Variants in NAP1L4 observed in about 807,000 individuals in gnomAD.
The protein encoded by NAP1L4 is nucleosome assembly protein 1-like 4.
Under a neutral mutation model 58.2 loss-of-function variants are expected in NAP1L4, and 15 were observed. That is an observed-to-expected ratio of 0.26 (90% confidence interval 0.17 to 0.40). The LOEUF (loss-of-function observed/expected upper bound fraction) is 0.40. Ranked by LOEUF, NAP1L4 falls within the 10% of genes least tolerant of loss-of-function variation. The pLI is 1.00. For synonymous variants in NAP1L4, 171 were observed against 155.6 expected (o/e 1.10, Z -0.74); for missense variants, 384 against 451.1 (o/e 0.85, Z 1.35).
At chr11:2,956,920 C>A (rs1341640211) in intron 10 of NAP1L4, among the ~76,000 whole-genome samples, 1 of 152,190 alleles carries the variant, frequency 6.6e-6, no homozygotes, top group Non-Finnish European at 1.5e-5. Flanking sequence ...AAAGCACTTA[C>A]CATTTGGTAT....
Position 2,954,730 on chromosome 11 carries a change from T to C in NAP1L4, c.916-84A>G. On this transcript the variant is annotated intron_variant, in intron 11 of 15. Transcript: ENST00000380542. The surrounding 1 kb of genome is among the most constrained non-coding windows in gnomAD (Gnocchi z 4.8). ...CCACCCTCAGCCAAACCTCAGCCCC[T>C]CACTTTTGATTTACTTAACTTAAAA... 6.4e-7 allele frequency: 1 copy of C among 1,571,014 alleles called. No individual in the cohort carries two copies. The highest frequency in any genetic ancestry group is 2.2e-5 in the East Asian group (1 of 44,586).
chr11:2,958,840 G>A (rs1265081520), intron 9 of NAP1L4: 8 of 359,456 alleles, frequency 2.2e-5, no homozygotes, highest in East Asian at 1.7e-4. Flanking sequence ...GCAAAGCCCC[G>A]TCAAGTCTGC....
chr11:2,962,391 G>A (rs1846978565), intron 8 of NAP1L4, among the ~76,000 whole-genome samples: 1 of 152,236 alleles, frequency 6.6e-6, no homozygotes, highest in African/African-American at 2.4e-5. Context: ...GGCAGGAGCC[G>A]TGTGGCACAC....
chr11:2,980,785 C>T (rs960026170), intron 1 of NAP1L4, among the ~76,000 whole-genome samples: 1 of 152,132 alleles, frequency 6.6e-6, no homozygotes, highest in Non-Finnish European at 1.5e-5. Flanking sequence ...CTATGACTGT[C>T]CTGTATTTAA....
At chr11:2,953,367 A>AG (rs1306093049) in intron 12 of NAP1L4, among the ~76,000 whole-genome samples, 19 of 152,368 alleles carry the variant, frequency 1.2e-4, no homozygotes, top group African/African-American at 4.6e-4. Context: ...ACTAGCCCTT[A>AG]GCTCACTATT....
In NAP1L4 at chr11:2,978,231, G is replaced by A. The variant is rs1056603451; in HGVS notation, c.73+53C>T. 7 of 1,540,948 alleles carry A rather than the reference G, an allele frequency of 4.5e-6. No individual in the cohort carries two copies. In the African/African-American group the frequency reaches 8.2e-5, roughly 18 times the overall value. ...ACTTGCATTAATAAATGTTTCCAGA[G>A]AGAGGAACGTTCCCCATACTGGATG... is the stretch of plus-strand genomic sequence containing the variant. On this transcript the variant is annotated intron_variant, in intron 3 of 15. Transcript: ENST00000380542.
rs1414014260 is a variant in NAP1L4 at position 2,948,784 on chromosome 11, G to C, written c.*32+443C>G. On this transcript the variant is annotated intron_variant, in intron 15 of 15. Coordinates refer to ENST00000380542, the MANE Select transcript of NAP1L4 (RefSeq NM_005969.4). The surrounding 1 kb of genome is among the most constrained non-coding windows in gnomAD (Gnocchi z 5.1). ...ACAAAACATGAATTCAAAAAGTATAGATATTCAACAGACACGTGTTGGTAA... is the reference window on the plus strand; with the variant it reads ...ACAAAACATGAATTCAAAAAGTATACATATTCAACAGACACGTGTTGGTAA... Among the ~76,000 whole-genome samples the C allele has an allele frequency of 2.6e-5, 4 of 152,176 alleles. No homozygotes were observed. The highest frequency in any genetic ancestry group is 2.6e-4 in the Admixed American group (4 of 15,288).
rs76741476 is a variant in NAP1L4 at position 2,959,999 on chromosome 11, A to C, written c.607-90T>G. ...GAGTACACAACACTTACTAGAAGCT[A>C]TTTTGGGAAAGCTCAACAGATAGGG... On this transcript the variant is annotated intron_variant, in intron 8 of 15. Coordinates refer to ENST00000380542, the MANE Select transcript of NAP1L4 (RefSeq NM_005969.4). This position sits in a 1 kb window ranked among gnomAD's most constrained non-coding sequence, Gnocchi z 4.9. The C allele has an allele frequency of 7.4e-7, 1 of 1,354,816 alleles. No individual in the cohort carries two copies. The highest frequency in any genetic ancestry group is 2.5e-5 in the East Asian group (1 of 39,376). 83.9% of individuals were successfully genotyped at this position (1,354,816 alleles called of 1,614,324 possible).
At chr11:2,986,384 AAAAG>A (rs760100412) in intron 1 of NAP1L4, among the ~76,000 whole-genome samples, 3 of 73,314 alleles carry the variant, frequency 4.1e-5, no homozygotes, top group Admixed American at 2.2e-4. Context: ...AAAAAAAAAA[AAAAG>A]AAAAAGAAAG....
In NAP1L4 at chr11:2,951,033, C is replaced by G; in HGVS notation, c.1122+226G>C. The G allele has an allele frequency of 2.1e-6, 1 of 485,524 alleles. No homozygotes were observed. The highest frequency in any genetic ancestry group is 3.3e-5 in the East Asian group (1 of 30,540). The allele number at this position is 485,524 out of a possible 1,614,324, so 30.1% of individuals were successfully genotyped here. A position where few individuals can be genotyped will look rare whatever the true frequency, so the allele number is the denominator to read the frequency against. On this transcript the variant is annotated intron_variant, in intron 14 of 15. Transcript: ENST00000380542. The surrounding 1 kb of genome is among the most constrained non-coding windows in gnomAD (Gnocchi z 4.0). The stretch of plus-strand genomic sequence containing the variant: ...CTGAGGAGTCTATGTAAATAAGACA[C>G]AGCTTGAGACAGCTGGAAAAGCTTC...
At chr11:2,984,166 C>CAAAAA (rs35188952) in intron 1 of NAP1L4, among the ~76,000 whole-genome samples, 1 of 80,574 alleles carries the variant, frequency 1.2e-5, no homozygotes, top group Non-Finnish European at 2.3e-5. Flanking sequence ...GACCCTGCCT[C>CAAAAA]AAAAAAAAAA....
chr11:2,949,357 G>T lies in NAP1L4; in HGVS notation c.1123-93C>A, dbSNP rs1846104499. The T allele has an allele frequency of 2.9e-6, 3 of 1,020,740 alleles. No homozygotes were observed. The highest frequency in any genetic ancestry group is 4.7e-6 in the Non-Finnish European group (3 of 644,958). 63.2% of individuals were successfully genotyped at this position (1,020,740 alleles called of 1,614,324 possible). A position where few individuals can be genotyped will look rare whatever the true frequency, so the allele number is the denominator to read the frequency against. On this transcript the variant is annotated intron_variant, in intron 14 of 15. Coordinates refer to ENST00000380542, the MANE Select transcript of NAP1L4 (RefSeq NM_005969.4). The surrounding 1 kb of genome is among the most constrained non-coding windows in gnomAD (Gnocchi z 4.0). ...GGAGGAAACGGCCACAATTTCTCAT[G>T]ATACAAAAGGGCTGCAAGATACTGA...
intron 2 of NAP1L4, among the ~76,000 whole-genome samples, chr11:2,978,843 A>C (rs1848127109): frequency 6.6e-6 from 1 of 152,240 alleles, no homozygotes. Context: ...CAAAAAATAA[A>C]CATCAAATAA....
At chr11:2,989,741 ACT>A (rs1406951838) in intron 1 of NAP1L4, 5 of 152,082 alleles carry the variant, frequency 3.3e-5, no homozygotes, top group African/African-American at 1.2e-4. Flanking sequence ...GCTACTAAAA[ACT>A]CTGACAGGTT....
chr11:2,946,807 C>T lies in NAP1L4; in HGVS notation c.*33-1161G>A, dbSNP rs370155039. 4.6e-5 allele frequency among the ~76,000 whole-genome samples: 7 copies of T among 152,232 alleles called. No homozygotes were observed. The highest frequency in any genetic ancestry group is 2.1e-4 in the South Asian group (1 of 4,834). On this transcript the variant is annotated intron_variant, in intron 15 of 15. Coordinates refer to ENST00000380542, the MANE Select transcript of NAP1L4 (RefSeq NM_005969.4). The surrounding 1 kb of genome is among the most constrained non-coding windows in gnomAD (Gnocchi z 4.8). ...CAAAACGAGGCTGACCAAAAACCCT[C>T]GCCATGTCAATCTGACATTCAAGGG...
intron 4 of NAP1L4, among the ~76,000 whole-genome samples, chr11:2,975,426 C>T (rs565729019): frequency 1.6e-4 from 25 of 152,196 alleles, no homozygotes; most frequent in African/African-American, 5.3e-4. Context: ...AGCACATAGG[C>T]CTCTCTTAAG....
rs533388826 is a variant in NAP1L4, at chr11:2,948,065, G to T, written c.*32+1162C>A. Reference sequence around the variant, plus strand: ...GCTGGTGGCATGGGAGGGGTGGCGTGGGAGAGTGGGTGAGGGTACAGGTGG... The same window carrying T: ...GCTGGTGGCATGGGAGGGGTGGCGTTGGAGAGTGGGTGAGGGTACAGGTGG... On this transcript the variant is annotated intron_variant, in intron 15 of 15. Coordinates refer to ENST00000380542, the MANE Select transcript of NAP1L4 (RefSeq NM_005969.4). This position sits in a 1 kb window ranked among gnomAD's most constrained non-coding sequence, Gnocchi z 5.1. Among the ~76,000 whole-genome samples, 35 of 156 alleles carry T rather than the reference G, an allele frequency of 0.22. No individual in the cohort carries two copies. Among genetic ancestry groups the T allele is most frequent in the African/African-American group, 0.4 (32 of 80 alleles). The allele number at this position is 156 out of a possible 152,430, so 0.1% of individuals were successfully genotyped here. A position where few individuals can be genotyped will look rare whatever the true frequency, so the allele number is the denominator to read the frequency against.
intron 8 of NAP1L4, 135 bp from the exon 9 acceptor site, chr11:2,960,044 C>T (rs1391069378): frequency 9.2e-6 from 8 of 871,120 alleles, no homozygotes; most frequent in East Asian, 8.0e-5. Context: ...AGAAAAACTT[C>T]TCCACCGCAA....
At chr11:2,953,845 A>G (rs373309435) in intron 12 of NAP1L4, among the ~76,000 whole-genome samples, 4 of 152,342 alleles carry the variant, frequency 2.6e-5, no homozygotes, top group South Asian at 2.1e-4. Context: ...AGAGCTCCAC[A>G]AGAAAGAGAG....
Sources: allele counts gnomAD v4.1 joint callset (sites outside exome capture counted in the v4.1 genomes callset), GRCh38; gene constraint gnomAD v4.1.1; non-coding constraint Gnocchi (gnomAD v3.1); transcripts MANE v1.5; gene names NCBI Gene and HGNC (gene_info 2026-07-23, HGNC 2026-07-21).